CPOX: variants seen among roughly 807,000 people sequenced by gnomAD.
CPOX encodes oxygen-dependent coproporphyrinogen-III oxidase, mitochondrial.
A neutral mutation model predicts 48.9 loss-of-function variants in CPOX; 24 were observed. The ratio of observed to expected loss-of-function variants is 0.49; its 90% CI spans 0.36 to 0.69. CPOX has a LOEUF of 0.69. CPOX is among the 30% of genes least tolerant of loss of function. The pLI is 0.00. For missense variants in CPOX, 549 were observed against 597.3 expected, an observed-to-expected ratio of 0.92 and a Z score of 0.84; for synonymous variants, 249 against 234.6, an observed-to-expected ratio of 1.06 and a Z score of -0.56.
intron 1 of CPOX, among the ~76,000 whole-genome samples, chr3:98,591,618 G>A (rs1331757322): frequency 6.6e-6 from 1 of 152,106 alleles, no homozygotes; most frequent in Non-Finnish European, 1.5e-5. Flanking sequence ...AGAAACAGTA[G>A]GTAATCAAAT....
the CPOX span, among the ~76,000 whole-genome samples, chr3:98,570,746 G>T: frequency 6.6e-6 from 1 of 152,122 alleles, no homozygotes. Context: ...TTGAAATGTT[G>T]AAATGGCCAC....
At chr3:98,583,349 GTC>G (rs1054532846) in intron 5 of CPOX, among the ~76,000 whole-genome samples, 2 of 152,196 alleles carry the variant, frequency 1.3e-5, no homozygotes, top group Admixed American at 6.5e-5. Flanking sequence ...ATATAATTCA[GTC>G]TCTCTGCAGA....
At chr3:98,588,918 A>T in intron 3 of CPOX, 64 bp from the exon 4 acceptor site, 1 of 1,574,818 alleles carries the variant, frequency 6.3e-7, no homozygotes, top group Non-Finnish European at 8.7e-7. Flanking sequence ...TGGCTATATT[A>T]GGACACTTAA....
intron 5 of CPOX, among the ~76,000 whole-genome samples, chr3:98,583,625 T>G (rs1707301398): frequency 6.6e-6 from 1 of 152,222 alleles, no homozygotes; most frequent in South Asian, 2.1e-4. Flanking sequence ...AGACTGATGT[T>G]CAAGGTCTGG....
downstream of CPOX, chr3:98,578,256 G>A (rs146566544): frequency 1.4e-3 from 1,318 of 975,044 alleles, 20 homozygotes; most frequent in African/African-American, 0.022. Flanking sequence ...GTAGAAATAC[G>A]TGGTTATTGA....
In CPOX at chr3:98,580,148, A is replaced by G. The variant is rs1707225915; in HGVS notation, c.*535T>C. 13 of 978,726 alleles carry G rather than the reference A, an allele frequency of 1.3e-5. No homozygotes were observed. The highest frequency in any genetic ancestry group is 1.6e-5 in the Non-Finnish European group (13 of 823,718). 60.6% of individuals were successfully genotyped at this position (978,726 alleles called of 1,614,324 possible). ...ATACCTATTAGAAAAATGTGTATCT[A>G]TTTGACAATATTATGTTCTCTGGAG... On this transcript the variant is annotated 3_prime_UTR_variant, in exon 7 of 7. Transcript: ENST00000647941.
At position 98,593,541 on chromosome 3, in the gene CPOX, C is replaced by T. The variant is rs1280739198; in HGVS notation, c.-37G>A. 9 of 1,507,112 alleles carry T rather than the reference C, an allele frequency of 6.0e-6. No individual in the cohort carries two copies. Among genetic ancestry groups the T allele is most frequent in the African/African-American group, 1.4e-5 (1 of 71,170 alleles). The allele number at this position is 1,507,112 out of a possible 1,614,324, so 93.4% of individuals were successfully genotyped here. A position where few individuals can be genotyped will look rare whatever the true frequency, so the allele number is the denominator to read the frequency against. On this transcript the variant is annotated 5_prime_UTR_variant, in exon 1 of 7. Coordinates refer to ENST00000647941, the MANE Select transcript of CPOX (RefSeq NM_000097.7). ...ATCACCTGGAGCAGTGCCTGCGTCC[C>T]AGAGCCCTGCGTTTGAGCCCCCCAC...
rs1319851561 is a variant in CPOX at position 98,593,272 on chromosome 3, A to T, written c.233T>A (p.Leu78Gln). ...SRGGPWVGTG[L>Q]AAALAGLVGL... ...CACCAACCCCGCCAGCGCCGCGGCC[A>T]GCCCTGTCCCCACCCAGGGGCCGCC... The change falls in exon 1 of 7, where the codon CTG (leucine) becomes CAG (glutamine). Residue 78 changes from leucine (L) to glutamine (Q), a missense_variant. Leu to Gln is a moderately radical substitution (Grantham distance 113, BLOSUM62 -2). This residue lies in a region of CPOX where 336 missense variants were observed against 318.1 expected (regional missense o/e 1.06). Transcript: ENST00000647941. 6.7e-7 allele frequency: 1 copy of T among 1,481,934 alleles called. No homozygotes were observed. The highest frequency in any genetic ancestry group is 1.4e-5 in the South Asian group (1 of 72,132). 91.8% of individuals were successfully genotyped at this position (1,481,934 alleles called of 1,614,324 possible). A position where few individuals can be genotyped will look rare whatever the true frequency, so the allele number is the denominator to read the frequency against.
chr3:98,579,535 C>A lies in CPOX; in HGVS notation c.*1148G>T. ...ATTTTCCAGCCCCAAAAAGGCCACA[C>A]AGAATCACAAACATTCAACGTGTTC... On this transcript the variant is annotated 3_prime_UTR_variant, in exon 7 of 7. Coordinates refer to ENST00000647941, the MANE Select transcript of CPOX (RefSeq NM_000097.7). 1.0e-6 allele frequency: 1 copy of A among 985,358 alleles called. No individual in the cohort carries two copies. Among genetic ancestry groups the A allele is most frequent in the Non-Finnish European group, 1.2e-6 (1 of 829,828 alleles). 61.0% of individuals were successfully genotyped at this position (985,358 alleles called of 1,614,324 possible). A position where few individuals can be genotyped will look rare whatever the true frequency, so the allele number is the denominator to read the frequency against.
At chr3:98,576,776 T>C (rs1322213292), downstream of CPOX, among the ~76,000 whole-genome samples, 2 of 152,214 alleles carry the variant, frequency 1.3e-5, no homozygotes, top group South Asian at 4.1e-4. Flanking sequence ...TGGGAACTTC[T>C]GTTTTCACAG....
chr3:98,579,371 G>A (rs994635551), downstream of CPOX: 17 of 475,298 alleles, frequency 3.6e-5, no homozygotes, highest in African/African-American at 2.1e-4. Flanking sequence ...CCCTAATGTT[G>A]TTCAAGGATC....
the CPOX span, among the ~76,000 whole-genome samples, chr3:98,571,585 G>A: frequency 2.0e-5 from 3 of 150,064 alleles, no homozygotes; most frequent in Non-Finnish European, 4.5e-5. Context: ...CTACTTGGGA[G>A]GCTGAGGCAG....
intron 1 of CPOX, among the ~76,000 whole-genome samples, chr3:98,592,007 A>AG (rs1707489884): frequency 1.5e-5 from 2 of 134,320 alleles, no homozygotes; most frequent in African/African-American, 2.8e-5. Context: ...ATATATATAT[A>AG]TATGTAGTAT....
intron 5 of CPOX, among the ~76,000 whole-genome samples, chr3:98,583,394 T>C (rs1378983398): frequency 2.6e-5 from 4 of 152,170 alleles, no homozygotes; most frequent in African/African-American, 9.7e-5. Flanking sequence ...TAGTGTTGAG[T>C]TGCAGCATTT....
In CPOX at chr3:98,590,910, G is replaced by T. The variant is rs748458175; in HGVS notation, c.700+102C>A. ...TTGTCAACGTGCGGCATATGAACCC[G>T]AATGGCTTTTTTCAGAAGCAATATT... On this transcript the variant is annotated intron_variant, in intron 2 of 6. Coordinates refer to ENST00000647941, the MANE Select transcript of CPOX (RefSeq NM_000097.7). The T allele has an allele frequency of 6.9e-6, 10 of 1,439,204 alleles. No homozygotes were observed. In the African/African-American group the frequency reaches 1.0e-4, roughly 14 times the overall value. 89.2% of individuals were successfully genotyped at this position (1,439,204 alleles called of 1,614,324 possible).
chr3:98,575,875 C>G (rs1480289883), downstream of CPOX, among the ~76,000 whole-genome samples: 1 of 151,666 alleles, frequency 6.6e-6, no homozygotes, highest in Non-Finnish European at 1.5e-5. Flanking sequence ...CAAGACCAGC[C>G]TGGCCAACAT....
At position 98,580,171 on chromosome 3, in the gene CPOX, G is replaced by C; in HGVS notation, c.*512C>G. On this transcript the variant is annotated 3_prime_UTR_variant, in exon 7 of 7. Transcript: ENST00000647941. The stretch of plus-strand genomic sequence containing the variant: ...CTATTTGACAATATTATGTTCTCTG[G>C]AGAAAGATATATAAGGATTACAGCA... 2.0e-6 allele frequency: 2 copies of C among 983,854 alleles called. No homozygotes were observed. Among genetic ancestry groups the C allele is most frequent in the South Asian group, 4.7e-5 (1 of 21,386 alleles). 60.9% of individuals were successfully genotyped at this position (983,854 alleles called of 1,614,324 possible).
At chr3:98,590,816 G>A (rs1707464795) in intron 2 of CPOX, 74 bp from the exon 3 acceptor site, 1 of 1,236,900 alleles carries the variant, frequency 8.1e-7, no homozygotes, top group South Asian at 1.3e-5. Flanking sequence ...ACTCTAATAT[G>A]ATTTCCAAGT....
At position 98,580,409 on chromosome 3, in the gene CPOX, A is replaced by G. The variant is rs909690412; in HGVS notation, c.*274T>C. 5.6e-6 allele frequency: 7 copies of G among 1,246,880 alleles called. 1 individual carries two copies. The African/African-American group carries it at 1.1e-4, about 19-fold the overall frequency. The allele number at this position is 1,246,880 out of a possible 1,614,324, so 77.2% of individuals were successfully genotyped here. A position where few individuals can be genotyped will look rare whatever the true frequency, so the allele number is the denominator to read the frequency against. On this transcript the variant is annotated 3_prime_UTR_variant, in exon 7 of 7. Coordinates refer to ENST00000647941, the MANE Select transcript of CPOX (RefSeq NM_000097.7). ...ACTATTTATATTCCCTTATCTCAATACTTGGAAACTCAATGTCCTATTTTG... is the reference window on the plus strand; with the variant it reads ...ACTATTTATATTCCCTTATCTCAATGCTTGGAAACTCAATGTCCTATTTTG...
Sources: gnomAD v4.1 joint callset for allele counts (sites outside exome capture counted in the v4.1 genomes callset) on GRCh38, gnomAD v4.1.1 for gene constraint, gnomAD v4.1.1 regional missense constraint, MANE v1.5 for transcripts, NCBI Gene and HGNC (gene_info 2026-07-23, HGNC 2026-07-21) for gene names.